ZNF165: variants seen among roughly 807,000 people sequenced by gnomAD.
ZNF165 encodes cancer/testis antigen 53.
A neutral mutation model predicts 19.6 loss-of-function variants in ZNF165; 14 were observed. The observed-to-expected ratio is 0.71, with a 90% CI of 0.47 to 1.12. The LOEUF (loss-of-function observed/expected upper bound fraction) is 1.12, where lower values mean the gene tolerates loss of function less well. Ranked by LOEUF, ZNF165 falls within the 50% of genes most tolerant of loss-of-function variation. The pLI is 0.00. For synonymous variants in ZNF165, 165 were observed against 195.0 expected (o/e 0.85, Z 1.28); for missense variants, 504 against 566.3 (o/e 0.89, Z 1.12).
chr6:28,089,296 C>T lies in ZNF165; in HGVS notation c.1284C>T (p.Tyr428=), dbSNP rs766597650. Residue 428 remains tyrosine (Y), a synonymous_variant, in exon 4 of 4, where the codon TAC becomes TAT. Coordinates refer to ENST00000683778, the MANE Select transcript of ZNF165 (RefSeq NM_001376491.1). Reference sequence around the variant, plus strand: ...GAATTCACACCAGAGAGAAACCCTACGAGTGTAGTGAATGTGGGAAAACCT... The same window carrying T: ...GAATTCACACCAGAGAGAAACCCTATGAGTGTAGTGAATGTGGGAAAACCT... ...HQRIHTREKP[Y]ECSECGKTFR... 7.4e-6 allele frequency: 12 copies of T among 1,613,968 alleles called. No individual in the cohort carries two copies. The Admixed American group carries it at 8.3e-5, about 11-fold the overall frequency.
intron 3 of ZNF165, among the ~76,000 whole-genome samples, chr6:28,088,063 C>T (rs1397289187): frequency 6.6e-6 from 1 of 152,196 alleles, no homozygotes; most frequent in East Asian, 1.9e-4. Flanking sequence ...ATTTAGAAGA[C>T]TGATTAACCA....
intron 3 of ZNF165, 43 bp downstream of exon 3, chr6:28,086,353 A>G (rs774544137): frequency 3.8e-6 from 6 of 1,572,172 alleles, no homozygotes; most frequent in South Asian, 3.5e-5. Context: ...CTAAAGAAAC[A>G]GGGGAATGAA....
At chr6:28,084,920 C>T (rs564118591) in intron 1 of ZNF165, among the ~76,000 whole-genome samples, 3 of 152,182 alleles carry the variant, frequency 2.0e-5, no homozygotes, top group African/African-American at 4.8e-5. Flanking sequence ...ACCTACTAAA[C>T]GTTTTGCTTT....
chr6:28,084,192 A>C (rs1212076190), intron 1 of ZNF165, among the ~76,000 whole-genome samples: 1 of 152,250 alleles, frequency 6.6e-6, no homozygotes, highest in Non-Finnish European at 1.5e-5. Flanking sequence ...ACCTGTTTCT[A>C]CCAAAGATCC....
rs375290874 is a variant in ZNF165, at chr6:28,089,083, A to G, written c.1071A>G (p.Ser357=). 1.1e-5 allele frequency: 18 copies of G among 1,614,224 alleles called. No individual in the cohort carries two copies. In the East Asian group the frequency reaches 1.3e-4, roughly 12 times the overall value. Reference sequence around the variant, plus strand: ...GTGGGAAAGCTTTCAGGCACAGCTCAAAACTTGCTAGGCATCAGAGAATCC... The same window carrying G: ...GTGGGAAAGCTTTCAGGCACAGCTCGAAACTTGCTAGGCATCAGAGAATCC... ...NECGKAFRHS[S]KLARHQRIHT... The change falls in exon 4 of 4, where the codon TCA becomes TCG. Residue 357 remains serine, a synonymous_variant. Transcript: ENST00000683778.
chr6:28,082,141 A>G (rs1009082395), intron 1 of ZNF165, among the ~76,000 whole-genome samples: 8 of 152,300 alleles, frequency 5.3e-5, no homozygotes, highest in South Asian at 2.1e-4. Flanking sequence ...TATACCATGG[A>G]ACTAACCCCC....
chr6:28,086,340 T>G (rs558228867), intron 3 of ZNF165, 30 bp downstream of exon 3: 2 of 1,585,698 alleles, frequency 1.3e-6, no homozygotes, highest in African/African-American at 2.7e-5. Flanking sequence ...ATAGTGCACA[T>G]CACTAAAGAA....
chr6:28,082,118 ACT>A (rs1180926314), intron 1 of ZNF165, among the ~76,000 whole-genome samples: 2 of 151,616 alleles, frequency 1.3e-5, no homozygotes, highest in African/African-American at 4.8e-5. Flanking sequence ...AGGGATTGAG[ACT>A]CTCTGGTTAA....
chr6:28,089,166 C>T lies in ZNF165; in HGVS notation c.1154C>T (p.Ser385Leu). Residue 385 changes from serine (S) to leucine (L), a missense_variant, in exon 4 of 4, where the codon TCA (serine) becomes TTA (leucine). Coordinates refer to ENST00000683778, the MANE Select transcript of ZNF165 (RefSeq NM_001376491.1). ...NECGKSFAES[S>L]DLTRHRRIHT... ...TGTGGGAAAAGCTTTGCAGAGAGCTCAGATCTTACTAGACATCGGCGAATT... is the reference window on the plus strand; with the variant it reads ...TGTGGGAAAAGCTTTGCAGAGAGCTTAGATCTTACTAGACATCGGCGAATT... 1 of 1,614,190 alleles carries T rather than the reference C, an allele frequency of 6.2e-7. No homozygotes were observed. Among genetic ancestry groups the T allele is most frequent in the Non-Finnish European group, 8.5e-7 (1 of 1,180,022 alleles).
At chr6:28,082,184 C>G (rs1040515148) in intron 1 of ZNF165, among the ~76,000 whole-genome samples, 5 of 151,618 alleles carry the variant, frequency 3.3e-5, no homozygotes, top group Non-Finnish European at 7.4e-5. Context: ...AAATTTTGTT[C>G]TTACTTATAC....
intron 2 of ZNF165, 84 bp from the exon 3 acceptor site, chr6:28,086,088 T>C (rs903048499): frequency 1.3e-6 from 2 of 1,545,916 alleles, no homozygotes; most frequent in African/African-American, 2.8e-5. Context: ...AGTTTTGCAT[T>C]TCTATGGGAG....
intron 1 of ZNF165, among the ~76,000 whole-genome samples, chr6:28,083,368 T>G (rs1764198785): frequency 6.6e-6 from 1 of 152,164 alleles, no homozygotes; most frequent in South Asian, 2.1e-4. Flanking sequence ...GTAAACAACC[T>G]TTTCCACCAG....
chr6:28,089,113 T>C lies in ZNF165; in HGVS notation c.1101T>C (p.Thr367=). The change falls in exon 4 of 4, where the codon ACT becomes ACC. Residue 367 remains threonine (T), a synonymous_variant. Coordinates refer to ENST00000683778, the MANE Select transcript of ZNF165 (RefSeq NM_001376491.1). ...TTGCTAGGCATCAGAGAATCCACAC[T>C]GGAGAGAGATGCTATGAATGTAATG... ...SKLARHQRIH[T]GERCYECNEC... 6.2e-7 allele frequency: 1 copy of C among 1,614,140 alleles called. No individual in the cohort carries two copies. The highest frequency in any genetic ancestry group is 8.5e-7 in the Non-Finnish European group (1 of 1,180,008).
At position 28,085,701 on chromosome 6, in the gene ZNF165, G is replaced by C. The variant is rs1480549925; in HGVS notation, c.221G>C (p.Cys74Ser). 1.2e-6 allele frequency: 2 copies of C among 1,614,008 alleles called. No individual in the cohort carries two copies. The highest frequency in any genetic ancestry group is 2.2e-5 in the South Asian group (2 of 91,076). The change falls in exon 2 of 4, where the codon TGC becomes TCC. Residue 74 changes from cysteine to serine, a missense_variant. Physicochemically the swap from Cys to Ser is moderately radical, Grantham distance 112. Coordinates refer to ENST00000683778, the MANE Select transcript of ZNF165 (RefSeq NM_001376491.1). The stretch of plus-strand genomic sequence containing the variant: ...GCACTGAGCCGCCTCCGGGAGCTCT[G>C]CTGTCAGTGGCTGAAGCCAGAGATC... ...REALSRLREL[C>S]CQWLKPEIHT...
Position 28,088,962 on chromosome 6 carries a change from A to T in ZNF165, c.950A>T (p.Glu317Val). The change falls in exon 4 of 4, where the codon GAA (glutamate) becomes GTA (valine). Residue 317 changes from glutamate (E) to valine (V), a missense_variant. Physicochemically the swap from Glu to Val is moderately radical, Grantham distance 121 (BLOSUM62 -2). Coordinates refer to ENST00000683778, the MANE Select transcript of ZNF165 (RefSeq NM_001376491.1). Reference protein sequence around the residue: ...FINHQIIYAGEKNHQYGKSFK... With the variant: ...FINHQIIYAGVKNHQYGKSFK... ...AACCATCAAATAATTTATGCTGGAG[A>T]AAAAAATCACCAATATGGAAAATCT... 6.2e-7 allele frequency: 1 copy of T among 1,614,148 alleles called. No homozygotes were observed. Among genetic ancestry groups the T allele is most frequent in the Non-Finnish European group, 8.5e-7 (1 of 1,180,012 alleles).
rs756048658 is a variant in ZNF165 at position 28,085,872 on chromosome 6, C to G, written c.392C>G (p.Thr131Ser). Residue 131 changes from threonine (T) to serine (S), a missense_variant, in exon 2 of 4, where the codon ACT becomes AGT. Coordinates refer to ENST00000683778, the MANE Select transcript of ZNF165 (RefSeq NM_001376491.1). Reference sequence around the variant, plus strand: ...ATACTAGAAGATTTGGAGAGAGGCACTGATGAAGCAGTACTCCAGGTGCAC... The same window carrying G: ...ATACTAGAAGATTTGGAGAGAGGCAGTGATGAAGCAGTACTCCAGGTGCAC... ...VTILEDLERG[T>S]DEAVLQVQAH... The G allele has an allele frequency of 6.2e-7, 1 of 1,611,386 alleles. No homozygotes were observed. Among genetic ancestry groups the G allele is most frequent in the South Asian group, 1.1e-5 (1 of 91,050 alleles).
chr6:28,085,912 C>T (rs934270836), intron 2 of ZNF165, 21 bp downstream of exon 2: 3 of 1,600,536 alleles, frequency 1.9e-6, no homozygotes, highest in African/African-American at 2.7e-5. Context: ...GATGGGAGAT[C>T]TAAGACCTCC....
chr6:28,086,378 C>T, intron 3 of ZNF165, 68 bp downstream of exon 3: 1 of 1,550,480 alleles, frequency 6.4e-7, no homozygotes, highest in Non-Finnish European at 8.7e-7. Flanking sequence ...CCTCCACAAA[C>T]TAGTCTTGGT....
chr6:28,081,805 A>G (rs1452602380), intron 1 of ZNF165, among the ~76,000 whole-genome samples: 1 of 152,202 alleles, frequency 6.6e-6, no homozygotes, highest in Non-Finnish European at 1.5e-5. Flanking sequence ...CTAACACAAT[A>G]TTATAAGGCA....
Sources: allele counts gnomAD v4.1 joint callset (sites outside exome capture counted in the v4.1 genomes callset), GRCh38; gene constraint gnomAD v4.1.1; transcripts MANE v1.5; gene names NCBI Gene and HGNC (gene_info 2026-07-23, HGNC 2026-07-21).